The following EXT1 variants were observed in gnomAD, a reference collection of about 807,000 sequenced individuals.
The protein encoded by EXT1 is exostosin glycosyltransferase 1.
Under a neutral mutation model 82.5 loss-of-function variants are expected in EXT1, and 20 were observed. The observed-to-expected ratio is 0.24, with a 90% CI of 0.17 to 0.35. EXT1 has a LOEUF of 0.35. EXT1 is among the 10% of genes least tolerant of loss of function. The probability of loss-of-function intolerance (pLI) is 1.00; values close to 1 mark genes in which losing one functional copy is unlikely to be tolerated. For synonymous variants in EXT1, 348 were observed against 350.8 expected (o/e 0.99, Z 0.09); for missense variants, 757 against 936.5 (o/e 0.81, Z 2.50).
intron 1 of EXT1, among the ~76,000 whole-genome samples, chr8:118,088,390 C>CA (rs1817465573): frequency 6.6e-6 from 1 of 151,352 alleles, no homozygotes; most frequent in East Asian, 1.9e-4. Context: ...TCTGCTACAT[C>CA]AAAAAATGCA....
intron 1 of EXT1, among the ~76,000 whole-genome samples, chr8:118,013,881 T>C (rs1815953491): frequency 6.6e-6 from 1 of 152,220 alleles, no homozygotes; most frequent in African/African-American, 2.4e-5. Context: ...GCAACTCTTG[T>C]CATGTAAAGA....
chr8:118,024,660 A>G (rs186919676), intron 1 of EXT1, among the ~76,000 whole-genome samples: 7 of 152,368 alleles, frequency 4.6e-5, no homozygotes, highest in Middle Eastern at 3.4e-3. Flanking sequence ...TGAACAGTCA[A>G]GAAACTACAG....
In EXT1 at chr8:117,799,916, A is replaced by G. The variant is rs1823140227; in HGVS notation, c.2056-19T>C. On this transcript the variant is annotated intron_variant, in intron 10 of 10. Transcript: ENST00000378204. ...GAGAAGTCTAGGGAGAAGGAGAGAA[A>G]CAAGGATAATGATGAGAGAAGTGCA... is the stretch of plus-strand genomic sequence containing the variant. The G allele has an allele frequency of 6.2e-7, 1 of 1,613,142 alleles. No individual in the cohort carries two copies. Among genetic ancestry groups the G allele is most frequent in the Admixed American group, 1.7e-5 (1 of 59,998 alleles).
At chr8:117,857,534 C>A (rs920213618) in intron 1 of EXT1, among the ~76,000 whole-genome samples, 5 of 86,210 alleles carry the variant, frequency 5.8e-5, no homozygotes, top group Admixed American at 2.2e-4. Flanking sequence ...AAGACTTCCC[C>A]CCGCCAAAAA....
chr8:117,799,307 C>A lies in EXT1; in HGVS notation c.*405G>T, dbSNP rs1035417732. ...TGCAGGGCACCCTACATGGCCATGA[C>A]AATGATGTCTGTGGGAAAAGGAATA... On this transcript the variant is annotated 3_prime_UTR_variant, in exon 11 of 11. Coordinates refer to ENST00000378204, the MANE Select transcript of EXT1 (RefSeq NM_000127.3). The A allele has an allele frequency of 3.3e-5, 8 of 240,130 alleles. No homozygotes were observed. Among genetic ancestry groups the A allele is most frequent in the African/African-American group, 1.6e-4 (7 of 43,994 alleles). The allele number at this position is 240,130 out of a possible 1,614,324, so 14.9% of individuals were successfully genotyped here.
At chr8:117,964,288 C>T (rs939766989) in intron 1 of EXT1, among the ~76,000 whole-genome samples, 15 of 152,098 alleles carry the variant, frequency 9.9e-5, no homozygotes, top group Admixed American at 4.6e-4. Context: ...TATAAGGATC[C>T]CCTTAGGTCA....
At chr8:117,809,598 C>T (rs545586987) in intron 8 of EXT1, among the ~76,000 whole-genome samples, 2 of 150,688 alleles carry the variant, frequency 1.3e-5, no homozygotes, top group South Asian at 4.2e-4. Context: ...GATGGTGCCA[C>T]TGCCCCCTAT....
chr8:117,872,228 T>C (rs1812886722), intron 1 of EXT1, among the ~76,000 whole-genome samples: 1 of 152,080 alleles, frequency 6.6e-6, no homozygotes, highest in Non-Finnish European at 1.5e-5. Context: ...TCTGTTTTCC[T>C]AGGGTGGATG....
At chr8:117,978,735 C>T (rs1330949821) in intron 1 of EXT1, among the ~76,000 whole-genome samples, 1 of 152,182 alleles carries the variant, frequency 6.6e-6, no homozygotes, top group African/African-American at 2.4e-5. Context: ...ATCACCAGAA[C>T]ATAGACTCCA....
At chr8:117,892,199 A>G (rs916997822) in intron 1 of EXT1, among the ~76,000 whole-genome samples, 1 of 152,330 alleles carries the variant, frequency 6.6e-6, no homozygotes, top group East Asian at 1.9e-4. Flanking sequence ...CCTCCTGAGC[A>G]TTGAACATGC....
chr8:117,919,472 G>A (rs539702398), intron 1 of EXT1, among the ~76,000 whole-genome samples: 1 of 151,408 alleles, frequency 6.6e-6, no homozygotes, highest in African/African-American at 2.4e-5. Flanking sequence ...TTACAGCCAT[G>A]AGCCACCACG....
chr8:118,101,854 A>G (rs1817723545), intron 1 of EXT1, among the ~76,000 whole-genome samples: 1 of 152,206 alleles, frequency 6.6e-6, no homozygotes, highest in Non-Finnish European at 1.5e-5. Flanking sequence ...TAGGGAGGAC[A>G]GGACAGGAAG....
At chr8:117,870,864 TA>T (rs1354382321) in intron 1 of EXT1, among the ~76,000 whole-genome samples, 2 of 130,936 alleles carry the variant, frequency 1.5e-5, no homozygotes, top group Admixed American at 1.4e-4. Context: ...ATTGAAGGAA[TA>T]AAAAACATAT....
chr8:117,911,615 C>T lies in EXT1; in HGVS notation c.963-74414G>A, dbSNP rs184112441. ...AGACTGGCCTCAGAAAGAAGGCCAA[C>T]GGTGGACCTAAATTTCACATTTCTC... On this transcript the variant is annotated intron_variant, in intron 1 of 10. Coordinates refer to ENST00000378204, the MANE Select transcript of EXT1 (RefSeq NM_000127.3). Among the ~76,000 whole-genome samples the T allele has an allele frequency of 3.9e-3, 595 of 152,262 alleles. 3 individuals are homozygous for T. Among genetic ancestry groups the T allele is most frequent in the African/African-American group, 0.011 (439 of 41,552 alleles).
intron 1 of EXT1, among the ~76,000 whole-genome samples, chr8:118,036,656 G>A (rs1483483385): frequency 1.3e-5 from 2 of 152,048 alleles, no homozygotes; most frequent in Admixed American, 1.3e-4. Context: ...GTGATCATCA[G>A]TAAAGACAAA....
intron 1 of EXT1, among the ~76,000 whole-genome samples, chr8:117,860,267 G>C (rs1156996007): frequency 6.6e-6 from 1 of 151,900 alleles, no homozygotes; most frequent in East Asian, 1.9e-4. Context: ...GCCAAAAACT[G>C]CATGTTCTCA....
chr8:117,888,906 TCTG>T (rs1813195923), intron 1 of EXT1, among the ~76,000 whole-genome samples: 1 of 152,226 alleles, frequency 6.6e-6, no homozygotes, highest in African/African-American at 2.4e-5. Context: ...CTGTGCTCTT[TCTG>T]CTATTAATGT....
chr8:118,059,806 T>C (rs1212428835), intron 1 of EXT1, among the ~76,000 whole-genome samples: 1 of 152,242 alleles, frequency 6.6e-6, no homozygotes, highest in African/African-American at 2.4e-5. Flanking sequence ...CTCACCATGT[T>C]TGTGTTTCTT....
chr8:117,980,675 G>A (rs1373556365), intron 1 of EXT1, among the ~76,000 whole-genome samples: 1 of 141,280 alleles, frequency 7.1e-6, no homozygotes, highest in Non-Finnish European at 1.6e-5. Flanking sequence ...ATGAGGGAAG[G>A]TTTGTTTGTT....
Sources: allele counts gnomAD v4.1 joint callset (sites outside exome capture counted in the v4.1 genomes callset), GRCh38; gene constraint gnomAD v4.1.1; transcripts MANE v1.5; gene names NCBI Gene and HGNC (gene_info 2026-07-23, HGNC 2026-07-21).